The following TNN variants were observed in gnomAD, a reference collection of about 807,000 sequenced individuals.
TNN encodes the protein tenascin N, also known as tenascin-N.
In TNN, 122 loss-of-function variants were observed where a neutral mutation model predicts 134.4. The ratio of observed to expected loss-of-function variants is 0.91; its 90% CI spans 0.78 to 1.06. TNN has a LOEUF of 1.06. Ranked by LOEUF, TNN falls within the 50% of genes least tolerant of loss-of-function variation. TNN has a pLI of 0.00. For missense variants in TNN, 1,739 were observed against 1,699.4 expected, an observed-to-expected ratio of 1.02 and a Z score of -0.41; for synonymous variants, 710 against 670.3, an observed-to-expected ratio of 1.06 and a Z score of -0.91.
rs937502157 is a variant in TNN, at chr1:175,117,531, T to C, written c.2386+326T>C. Among the ~76,000 whole-genome samples the C allele has an allele frequency of 1.3e-5, 2 of 152,140 alleles. 1 individual carries two copies. The highest frequency in any genetic ancestry group is 2.9e-5 in the Non-Finnish European group (2 of 68,030). Reference sequence around the variant, plus strand: ...TGGGAACAGAAAATGAAAATCAAATTTTGTTAATAATAATAGTATATTGAA... The same window carrying C: ...TGGGAACAGAAAATGAAAATCAAATCTTGTTAATAATAATAGTATATTGAA... On this transcript the variant is annotated intron_variant, in intron 10 of 18. Coordinates refer to ENST00000239462, the MANE Select transcript of TNN (RefSeq NM_022093.2).
intron 17 of TNN, among the ~76,000 whole-genome samples, chr1:175,137,363 A>AGTTAGTGTGT (rs1553320238): frequency 4.8e-5 from 3 of 62,606 alleles, no homozygotes; most frequent in Non-Finnish European, 8.4e-5. Flanking sequence ...TCTGCACAGT[A>AGTTAGTGTGT]GTGTGTGTGT....
chr1:175,136,341 T>G (rs977422075), intron 16 of TNN, among the ~76,000 whole-genome samples: 29 of 152,280 alleles, frequency 1.9e-4, no homozygotes, highest in African/African-American at 6.7e-4. Flanking sequence ...CCCTCTGCTC[T>G]CCTCTGGAGC....
At chr1:175,139,592 C>A (rs532699364) in intron 17 of TNN, among the ~76,000 whole-genome samples, 1 of 137,956 alleles carries the variant, frequency 7.2e-6, no homozygotes, top group East Asian at 2.0e-4. Flanking sequence ...TCCCAAAGGA[C>A]CTGCCTGAGG....
chr1:175,136,221 A>G (rs1675808312), intron 16 of TNN, among the ~76,000 whole-genome samples: 1 of 152,154 alleles, frequency 6.6e-6, no homozygotes, highest in South Asian at 2.1e-4. Flanking sequence ...ACAGTAGTAG[A>G]AAAAAAGTTC....
chr1:175,107,259 C>T (rs1674883385), intron 9 of TNN, among the ~76,000 whole-genome samples: 1 of 142,812 alleles, frequency 7.0e-6, no homozygotes, highest in Non-Finnish European at 1.5e-5. Context: ...CTGGTGGGTT[C>T]GTGGTCTTGC....
At chr1:175,078,445 G>A (rs1220935102) in intron 2 of TNN, among the ~76,000 whole-genome samples, 2 of 151,956 alleles carry the variant, frequency 1.3e-5, no homozygotes, top group Non-Finnish European at 2.9e-5. Flanking sequence ...CTCCCCCAAC[G>A]CAACCCCGTC....
rs140626893 is a variant in TNN, at chr1:175,098,456, G to A, written c.1980G>A (p.Glu660=). ...TGCGCTACACCTCTGCTGGTGGAGA[G>A]ACCAGGGAGGTTCCGGTGGGGAAGG... The part of the protein sequence containing the change: ...YVVRYTSAGG[E]TREVPVGKEQ... The change falls in exon 9 of 19, where the codon GAG becomes GAA. Residue 660 remains glutamate, a synonymous_variant. Coordinates refer to ENST00000239462, the MANE Select transcript of TNN (RefSeq NM_022093.2). The A allele has an allele frequency of 6.2e-7, 1 of 1,614,190 alleles. No homozygotes were observed. The highest frequency in any genetic ancestry group is 2.2e-5 in the East Asian group (1 of 44,882).
At chr1:175,088,058 AG>A (rs1383874568) in intron 6 of TNN, among the ~76,000 whole-genome samples, 1 of 152,210 alleles carries the variant, frequency 6.6e-6, no homozygotes, top group East Asian at 1.9e-4. Flanking sequence ...TTCAGCAACC[AG>A]GAAGCACTCT....
chr1:175,110,254 G>A (rs1210023815), intron 9 of TNN, among the ~76,000 whole-genome samples: 1 of 152,128 alleles, frequency 6.6e-6, no homozygotes, highest in Admixed American at 6.5e-5. Context: ...AACTCCTTAT[G>A]TATTCTGTTT....
intron 6 of TNN, among the ~76,000 whole-genome samples, chr1:175,088,957 T>C (rs568706251): frequency 2.3e-4 from 35 of 152,352 alleles, no homozygotes; most frequent in African/African-American, 8.4e-4. Flanking sequence ...ACATATGGCC[T>C]TGAATTGCTA....
At chr1:175,104,479 T>C (rs913765992) in intron 9 of TNN, among the ~76,000 whole-genome samples, 8 of 145,888 alleles carry the variant, frequency 5.5e-5, no homozygotes, top group Non-Finnish European at 1.1e-4. Flanking sequence ...GACAATCTTT[T>C]TTAAAGTGTC....
At chr1:175,080,533 A>AC in intron 4 of TNN, 107 bp downstream of exon 4, 3 of 1,323,142 alleles carry the variant, frequency 2.3e-6, no homozygotes, top group Admixed American at 4.1e-5. Context: ...GGTTTGAAAA[A>AC]CACACCTGCC....
chr1:175,120,476 G>A (rs943925956), intron 11 of TNN, among the ~76,000 whole-genome samples: 6 of 152,144 alleles, frequency 3.9e-5, no homozygotes, highest in Non-Finnish European at 7.3e-5. Flanking sequence ...GGGCTGATAC[G>A]GTAGCTCCTC....
At chr1:175,111,748 G>A (rs993604449) in intron 9 of TNN, among the ~76,000 whole-genome samples, 3 of 150,472 alleles carry the variant, frequency 2.0e-5, no homozygotes, top group South Asian at 2.1e-4. Flanking sequence ...GTTTTTAAAA[G>A]TAGCTATTGT....
At chr1:175,137,460 A>G (rs1344080881) in intron 17 of TNN, among the ~76,000 whole-genome samples, 1 of 152,100 alleles carries the variant, frequency 6.6e-6, no homozygotes, top group Admixed American at 6.6e-5. Flanking sequence ...TCAAATAATA[A>G]GAAGTATAGG....
Position 175,127,093 on chromosome 1 carries a change from G to T in TNN, c.3045+8G>T, listed in dbSNP as rs1675548594. 6.2e-7 allele frequency: 1 copy of T among 1,611,224 alleles called. No individual in the cohort carries two copies. On this transcript the variant is annotated splice_region_variant and intron_variant, in intron 13 of 18. Transcript: ENST00000239462. ...CCAGATGGCACAGTTAAGGTACGGG[G>T]ATTCCTTGTCTTTTCTCCTGGTGCC...
At chr1:175,123,847 A>C (rs938918285) in intron 12 of TNN, among the ~76,000 whole-genome samples, 184 bp downstream of exon 12, 1 of 47,646 alleles carries the variant, frequency 2.1e-5, no homozygotes, top group African/African-American at 7.3e-5. Flanking sequence ...AAGATGAGAG[A>C]GTATAGAGGG....
At position 175,106,820 on chromosome 1, in the gene TNN, TTCTAGGCAA is replaced by T. The variant is rs1325995168; in HGVS notation, c.2119+8226_2119+8234del. Among the ~76,000 whole-genome samples, 27 of 145,558 alleles carry T rather than the reference TTCTAGGCAA, an allele frequency of 1.9e-4. 2 individuals carry two copies. In the Admixed American group the frequency reaches 1.9e-3, roughly 10 times the overall value. ...GAAGTACAGGAAAAGCGGAAGCTGGTTCTAGGCAAACCAACGGTCCCAACTCCAAAGAGT... is the reference window on the plus strand; with the variant it reads ...GAAGTACAGGAAAAGCGGAAGCTGGTACCAACGGTCCCAACTCCAAAGAGT... On this transcript the variant is annotated intron_variant, in intron 9 of 18. Transcript: ENST00000239462.
chr1:175,117,324 C>T (rs1335022176), intron 10 of TNN, 119 bp downstream of exon 10: 13 of 1,522,058 alleles, frequency 8.5e-6, no homozygotes, highest in East Asian at 6.8e-5. Flanking sequence ...AGTGGGATGG[C>T]ATCCCTTCAT....
Sources: gnomAD v4.1 joint callset for allele counts (sites outside exome capture counted in the v4.1 genomes callset) on GRCh38, gnomAD v4.1.1 for gene constraint, MANE v1.5 for transcripts, NCBI Gene and HGNC (gene_info 2026-07-23, HGNC 2026-07-21) for gene names.